The following OFD1 variants were observed in gnomAD, a reference collection of about 807,000 sequenced individuals.
OFD1 encodes the protein OFD1 centriole and centriolar satellite protein, also known as centriole and centriolar satellite protein OFD1.
Under a neutral mutation model 81.4 loss-of-function variants are expected in OFD1, and 12 were observed. The ratio of observed to expected loss-of-function variants is 0.15; its 90% CI spans 0.09 to 0.24. OFD1 has a LOEUF of 0.24. Ranked by LOEUF, OFD1 falls within the 10% of genes least tolerant of loss-of-function variation. The pLI is 1.00. For missense variants in OFD1, 685 were observed against 733.9 expected, an observed-to-expected ratio of 0.93 and a Z score of 0.77; for synonymous variants, 256 against 263.7, an observed-to-expected ratio of 0.97 and a Z score of 0.28.
At chrX:13,773,310 CTTTTTT>C (rs11305581), downstream of OFD1, 1 of 137,891 alleles carries the variant, frequency 7.3e-6, no homozygotes, top group Non-Finnish European at 1.3e-5. Flanking sequence ...CGAGAGGGTG[CTTTTTT>C]TTTTTTTTTT....
At chrX:13,765,904 G>C (rs980170693) in intron 19 of OFD1, among the ~76,000 whole-genome samples, 2 of 112,142 alleles carry the variant, frequency 1.8e-5, no homozygotes, top group Non-Finnish European at 3.8e-5. Context: ...TGAGATGCTG[G>C]AGTGGTTAGT....
In OFD1 at chrX:13,758,465, C is replaced by T. The variant is rs2047798661; in HGVS notation, c.1654+17C>T. The T allele has an allele frequency of 9.2e-6, 9 of 981,788 alleles. No individual in the cohort carries two copies. Among genetic ancestry groups the T allele is most frequent in the Non-Finnish European group, 1.2e-5 (8 of 689,241 alleles). The allele number at this position is 981,788 out of a possible 1,213,427, so 80.9% of individuals were successfully genotyped here. The stretch of plus-strand genomic sequence containing the variant: ...CTCAGACAGGTTAGAGACGTTTTAA[C>T]CCATAAATATTTTTGTATGTATAAA... On this transcript the variant is annotated intron_variant, in intron 15 of 22. Transcript: ENST00000340096.
At chrX:13,762,323 A>T in intron 17 of OFD1, 21 bp from the exon 18 acceptor site, 1 of 1,040,155 alleles carries the variant, frequency 9.6e-7, no homozygotes, top group Non-Finnish European at 1.4e-6. Flanking sequence ...AAACTTCACG[A>T]GTTTTATCCT....
chrX:13,723,050 G>A, the OFD1 span, among the ~76,000 whole-genome samples: 7 of 102,184 alleles, frequency 6.9e-5, no homozygotes, highest in Non-Finnish European at 1.2e-4. Flanking sequence ...AGCCAAGATC[G>A]TGCCACTGCA....
intron 8 of OFD1, among the ~76,000 whole-genome samples, chrX:13,747,856 AC>A (rs748955871): frequency 9.0e-6 from 1 of 111,660 alleles, no homozygotes; most frequent in East Asian, 2.8e-4. Context: ...CCAGAAAGTA[AC>A]TGGACAGGAG....
chrX:13,760,807 G>T (rs901227527), intron 16 of OFD1, 87 bp downstream of exon 16: 1 of 1,095,157 alleles, frequency 9.1e-7, no homozygotes. Context: ...GAGGGTCAGC[G>T]GGCCAGAGTG....
chrX:13,724,551 A>G, the OFD1 span, among the ~76,000 whole-genome samples: 1 of 112,017 alleles, frequency 8.9e-6, no homozygotes, highest in African/African-American at 3.2e-5. Flanking sequence ...TGACTTTTCA[A>G]ATAGCAAGCA....
intron 10 of OFD1, among the ~76,000 whole-genome samples, chrX:13,752,013 C>T (rs2047521675): frequency 8.9e-6 from 1 of 111,819 alleles, no homozygotes; most frequent in South Asian, 3.7e-4. Flanking sequence ...GTTATCTTTT[C>T]CTCTACCTCA....
At chrX:13,763,601 T>G in intron 18 of OFD1, 144 bp from the exon 19 acceptor site, 3 of 488,590 alleles carry the variant, frequency 6.1e-6, no homozygotes. Context: ...TGTTGGGAAC[T>G]TCATAGAATC....
the OFD1 span, chrX:13,716,634 G>A: frequency 3.1e-5 from 37 of 1,210,188 alleles, no homozygotes; most frequent in South Asian, 2.3e-4. Flanking sequence ...CTACGAGGTC[G>A]AGAGCAGCAT....
intron 6 of OFD1, among the ~76,000 whole-genome samples, chrX:13,746,060 C>G (rs1324649598): frequency 8.9e-6 from 1 of 112,247 alleles, no homozygotes; most frequent in Admixed American, 9.5e-5. Context: ...TTCAAACATA[C>G]AGAAAAGTTG....
At chrX:13,724,400 TAAAAAAAAAAA>T in the OFD1 span, among the ~76,000 whole-genome samples, 1 of 82,326 alleles carries the variant, frequency 1.2e-5, no homozygotes, top group East Asian at 3.6e-4. Context: ...AATATATATT[TAAAAAAAAAAA>T]AAAAAAAAGA....
At chrX:13,754,732 A>G (rs779950440) in intron 11 of OFD1, among the ~76,000 whole-genome samples, 1 of 112,861 alleles carries the variant, frequency 8.9e-6, no homozygotes, top group African/African-American at 3.2e-5. Context: ...GTGGAGACTA[A>G]TACTTCTTTT....
downstream of OFD1, among the ~76,000 whole-genome samples, chrX:13,770,379 G>A (rs763163665): frequency 4.5e-5 from 5 of 112,271 alleles, no homozygotes; most frequent in Non-Finnish European, 9.4e-5. Context: ...ATGGCCATGT[G>A]TCAATAGTGA....
the OFD1 span, among the ~76,000 whole-genome samples, chrX:13,715,185 C>G: frequency 8.9e-6 from 1 of 112,888 alleles, no homozygotes; most frequent in Non-Finnish European, 1.9e-5. Flanking sequence ...TTATTAAAAA[C>G]ATATGGGCCA....
In OFD1 at chrX:13,744,419, T is replaced by C. The variant is rs770850686; in HGVS notation, c.417T>C (p.Phe139=). Reference sequence around the variant, plus strand: ...CTGTATGCATATGTTTTTTAGGTTTTCTTATGCATTTTTTAAAAGAATTGG... The same window carrying C: ...CTGTATGCATATGTTTTTTAGGTTTCCTTATGCATTTTTTAAAAGAATTGG... ...SGSDKENQKG[F]LMHFLKELAE... The change falls in exon 6 of 23, where the codon TTT becomes TTC. Residue 139 remains phenylalanine, a synonymous_variant. Coordinates refer to ENST00000340096, the MANE Select transcript of OFD1 (RefSeq NM_003611.3). The C allele has an allele frequency of 3.5e-6, 4 of 1,128,836 alleles. No individual in the cohort carries two copies. The highest frequency in any genetic ancestry group is 3.0e-5 in the East Asian group (1 of 33,464). The allele number at this position is 1,128,836 out of a possible 1,213,427, so 93.0% of individuals were successfully genotyped here.
intron 9 of OFD1, among the ~76,000 whole-genome samples, chrX:13,750,285 TTCA>T (rs896919789): frequency 8.1e-5 from 9 of 111,178 alleles, no homozygotes; most frequent in African/African-American, 2.6e-4. Context: ...GCAGAGAGAG[TTCA>T]TCATTCCTTT....
intron 10 of OFD1, among the ~76,000 whole-genome samples, chrX:13,752,169 A>T (rs2047528637): frequency 8.9e-6 from 1 of 112,344 alleles, no homozygotes; most frequent in South Asian, 3.6e-4. Context: ...ATGTGAGGCA[A>T]AAAGTGATAT....
Position 13,768,051 on chromosome X carries a change from T to C in OFD1, c.2758-3T>C. The C allele has an allele frequency of 1.7e-6, 2 of 1,173,370 alleles. No individual in the cohort carries two copies. Among genetic ancestry groups the C allele is most frequent in the East Asian group, 5.9e-5 (2 of 33,699 alleles). On this transcript the variant is annotated splice_polypyrimidine_tract_variant and splice_region_variant and intron_variant, in intron 20 of 22. Coordinates refer to ENST00000340096, the MANE Select transcript of OFD1 (RefSeq NM_003611.3). ...ATTTTCTGTTTTGGTGCCTGTTTTA[T>C]AGAAGATGATTGAAGAATCACTGAA...
Sources: allele counts gnomAD v4.1 joint callset (sites outside exome capture counted in the v4.1 genomes callset), GRCh38; gene constraint gnomAD v4.1.1; transcripts MANE v1.5; gene names NCBI Gene and HGNC (gene_info 2026-07-23, HGNC 2026-07-21).